Variants in CNTN2 observed in about 807,000 individuals in gnomAD.
CNTN2 encodes contactin-2.
CNTN2 carries 53 observed loss-of-function variants against 117.5 expected under a neutral mutation model. The observed-to-expected ratio is 0.45, with a 90% CI of 0.36 to 0.57. The LOEUF (loss-of-function observed/expected upper bound fraction) is 0.57. Among genes scored for constraint, CNTN2 ranks in the 20% least tolerant of loss-of-function variants. The pLI is 0.00. For synonymous variants in CNTN2, 530 were observed against 561.7 expected (o/e 0.94, Z 0.80); for missense variants, 1,106 against 1,404.3 (o/e 0.79, Z 3.39).
rs376118285 is a variant in CNTN2 at position 205,058,403 on chromosome 1, G to T, written c.391+47G>T. 2 of 1,535,464 alleles carry T rather than the reference G, an allele frequency of 1.3e-6. No homozygotes were observed. The highest frequency in any genetic ancestry group is 3.8e-5 in the Admixed American group (2 of 52,098). ...GACACTTTGGGGGAGGGGGAGAGGGGGCTAGGAGAAATTACTGAGAAAGGA... is the reference window on the plus strand; with the variant it reads ...GACACTTTGGGGGAGGGGGAGAGGGTGCTAGGAGAAATTACTGAGAAAGGA... On this transcript the variant is annotated intron_variant, in intron 4 of 22. Coordinates refer to ENST00000331830, the MANE Select transcript of CNTN2 (RefSeq NM_005076.5). This position sits in a 1 kb window ranked among gnomAD's most constrained non-coding sequence, Gnocchi z 4.3.
In CNTN2 at chr1:205,076,252, G is replaced by T. The variant is rs1216371919; in HGVS notation, c.*2487G>T. The T allele has an allele frequency of 6.6e-6, 1 of 152,176 alleles. No individual in the cohort carries two copies. Among genetic ancestry groups the T allele is most frequent in the Non-Finnish European group, 1.5e-5 (1 of 68,030 alleles). The allele number at this position is 152,176 out of a possible 1,614,324, so 9.4% of individuals were successfully genotyped here. A position where few individuals can be genotyped will look rare whatever the true frequency, so the allele number is the denominator to read the frequency against. On this transcript the variant is annotated 3_prime_UTR_variant, in exon 23 of 23. Coordinates refer to ENST00000331830, the MANE Select transcript of CNTN2 (RefSeq NM_005076.5). ...GGGATAGAACGACAACAAAATAAAT[G>T]TTCCTGCAGCCTGAGATTTCAGGTA...
chr1:205,072,237 G>C, intron 20 of CNTN2, 104 bp downstream of exon 20: 1 of 1,208,004 alleles, frequency 8.3e-7, no homozygotes, highest in Non-Finnish European at 1.2e-6. Context: ...TAGCCCACCA[G>C]CTCTGGGCTG....
chr1:205,073,120 A>G lies in CNTN2; in HGVS notation c.2897A>G (p.Lys966Arg). 6.2e-7 allele frequency: 1 copy of G among 1,614,182 alleles called. No homozygotes were observed. The change falls in exon 22 of 23, where the codon AAG (lysine) becomes AGG (arginine). Residue 966 changes from lysine to arginine, a missense_variant. By Grantham distance (26) the Lys-to-Arg change is conservative. Transcript: ENST00000331830. The surrounding 1 kb of genome is among the most constrained non-coding windows in gnomAD (Gnocchi z 6.3). ...ACTCCCACGCTCCACCTCACCGGCA[A>G]GAACTGGATAGAAATCCCAGTGCCT... ...HLTPTLHLTG[K>R]NWIEIPVPED...
chr1:205,055,106 T>C (rs1208603572), intron 2 of CNTN2, among the ~76,000 whole-genome samples: 1 of 152,032 alleles, frequency 6.6e-6, no homozygotes, highest in East Asian at 1.9e-4. Context: ...CTCTGACTCC[T>C]GGGTTCAAGC....
At position 205,075,084 on chromosome 1, in the gene CNTN2, G is replaced by T; in HGVS notation, c.*1319G>T. 1 of 395,562 alleles carries T rather than the reference G, an allele frequency of 2.5e-6. No individual in the cohort carries two copies. The allele number at this position is 395,562 out of a possible 1,614,324, so 24.5% of individuals were successfully genotyped here. ...TCCAGAGAGGGTCTGGGATTCCCAA[G>T]GTCACACAGCCCAGAAGAGATGGGG... On this transcript the variant is annotated 3_prime_UTR_variant, in exon 23 of 23. Coordinates refer to ENST00000331830, the MANE Select transcript of CNTN2 (RefSeq NM_005076.5).
chr1:205,059,412 TG>T lies in CNTN2; in HGVS notation c.697+121del. On this transcript the variant is annotated intron_variant, in intron 6 of 22. Coordinates refer to ENST00000331830, the MANE Select transcript of CNTN2 (RefSeq NM_005076.5). This position sits in a 1 kb window ranked among gnomAD's most constrained non-coding sequence, Gnocchi z 5.6. ...CTTGCAGGGCACTGATTCCAGGCCC[TG>T]GACCCCCAGATCCTCCTGCTTCAAA... The T allele has an allele frequency of 8.3e-7, 1 of 1,206,164 alleles. No homozygotes were observed. Among genetic ancestry groups the T allele is most frequent in the Non-Finnish European group, 1.2e-6 (1 of 843,912 alleles). 74.7% of individuals were successfully genotyped at this position (1,206,164 alleles called of 1,614,324 possible). A position where few individuals can be genotyped will look rare whatever the true frequency, so the allele number is the denominator to read the frequency against.
chr1:205,049,682 G>A (rs942820881), intron 1 of CNTN2, among the ~76,000 whole-genome samples: 7 of 152,182 alleles, frequency 4.6e-5, no homozygotes, highest in South Asian at 2.1e-4. Context: ...GTGAGCTCCC[G>A]GGCCTGACAG....
rs149058423 is a variant in CNTN2, at chr1:205,072,113, A to G, written c.2711A>G (p.Asn904Ser). 18 of 1,611,432 alleles carry G rather than the reference A, an allele frequency of 1.1e-5. No individual in the cohort carries two copies. The highest frequency in any genetic ancestry group is 5.3e-5 in the African/African-American group (4 of 74,798). Residue 904 changes from asparagine (N) to serine (S), a missense_variant, in exon 20 of 23, where the codon AAC (asparagine) becomes AGC (serine). Transcript: ENST00000331830. ...AGTGPASPSA[N>S]ATTMKPPPRR... is the part of the protein sequence containing the mutation. Reference sequence around the variant, plus strand: ...ACTGGGCCTGCCAGCCCTTCTGCCAACGCCACGACCATGAAGCCCCGTGAG... The same window carrying G: ...ACTGGGCCTGCCAGCCCTTCTGCCAGCGCCACGACCATGAAGCCCCGTGAG...
chr1:205,056,055 G>A (rs1255358464), intron 2 of CNTN2, among the ~76,000 whole-genome samples: 3 of 152,140 alleles, frequency 2.0e-5, no homozygotes, highest in African/African-American at 7.2e-5. Flanking sequence ...TGACATGAGC[G>A]TGCATATAAG....
At chr1:205,045,239 C>T (rs2096439476) in intron 1 of CNTN2, among the ~76,000 whole-genome samples, 2 of 152,156 alleles carry the variant, frequency 1.3e-5, no homozygotes, top group South Asian at 4.1e-4. Flanking sequence ...CTTCTTTCCT[C>T]GCACTCCCTT....
At position 205,075,239 on chromosome 1, in the gene CNTN2, T is replaced by C. The variant is rs773075810; in HGVS notation, c.*1474T>C. ...AGTCAGTAGGGTGTGAAAATTCTAC[T>C]TCAAGGGGTTCGGATTGGTGATCAT... On this transcript the variant is annotated 3_prime_UTR_variant, in exon 23 of 23. Transcript: ENST00000331830. The C allele has an allele frequency of 3.0e-5, 6 of 202,098 alleles. No individual in the cohort carries two copies. Among genetic ancestry groups the C allele is most frequent in the African/African-American group, 6.9e-5 (3 of 43,410 alleles). 12.5% of individuals were successfully genotyped at this position (202,098 alleles called of 1,614,324 possible). A position where few individuals can be genotyped will look rare whatever the true frequency, so the allele number is the denominator to read the frequency against.
At position 205,076,334 on chromosome 1, in the gene CNTN2, A is replaced by G. The variant is rs532848704; in HGVS notation, c.*2569A>G. The G allele has an allele frequency of 2.0e-5, 3 of 152,220 alleles. No individual in the cohort carries two copies. The South Asian group carries it at 6.2e-4, about 32-fold the overall frequency. 9.4% of individuals were successfully genotyped at this position (152,220 alleles called of 1,614,324 possible). A position where few individuals can be genotyped will look rare whatever the true frequency, so the allele number is the denominator to read the frequency against. ...GTGACCTGAGGACATGCAAGCTTGT[A>G]AAATGCAACAGCCTCCTGCTAGAGT... is the stretch of plus-strand genomic sequence containing the variant. On this transcript the variant is annotated 3_prime_UTR_variant, in exon 23 of 23. Transcript: ENST00000331830.
At chr1:205,071,268 T>G (rs959043839) in intron 19 of CNTN2, among the ~76,000 whole-genome samples, 2 of 151,922 alleles carry the variant, frequency 1.3e-5, no homozygotes, top group African/African-American at 2.4e-5. Flanking sequence ...CTGGCCTGAG[T>G]CCTGGGCCCA....
intron 14 of CNTN2, 94 bp downstream of exon 14, chr1:205,066,003 C>G (rs1029104655): frequency 2.8e-6 from 4 of 1,450,358 alleles, no homozygotes; most frequent in African/African-American, 1.4e-5. Flanking sequence ...TCCCTTCCCT[C>G]AAAGCTGCGG....
Position 205,073,812 on chromosome 1 carries a change from G to A in CNTN2, c.*47G>A, listed in dbSNP as rs1337746447. 1.2e-5 allele frequency: 18 copies of A among 1,502,416 alleles called. No individual in the cohort carries two copies. In the East Asian group the frequency reaches 3.0e-4, roughly 25 times the overall value. 93.1% of individuals were successfully genotyped at this position (1,502,416 alleles called of 1,614,324 possible). ...GCCGCAGCTGGACGCCACCTCCGAC[G>A]GACACAGCCAGCCCCTTCCTGCTGC... On this transcript the variant is annotated 3_prime_UTR_variant, in exon 23 of 23. Coordinates refer to ENST00000331830, the MANE Select transcript of CNTN2 (RefSeq NM_005076.5). This position sits in a 1 kb window ranked among gnomAD's most constrained non-coding sequence, Gnocchi z 6.3.
At chr1:205,052,832 C>T (rs2096455177) in intron 1 of CNTN2, among the ~76,000 whole-genome samples, 1 of 152,164 alleles carries the variant, frequency 6.6e-6, no homozygotes, top group Admixed American at 6.5e-5. Context: ...CTTTCACTTC[C>T]TAAGCGGCAC....
chr1:205,070,995 CAAAA>C (rs34606956), intron 19 of CNTN2: 2 of 98,844 alleles, frequency 2.0e-5, no homozygotes, highest in Non-Finnish European at 2.0e-5. Context: ...GACTCCATCT[CAAAA>C]AAAAAAAAAA....
chr1:205,043,030 G>GA (rs1222572268), upstream of CNTN2: 1 of 130,034 alleles, frequency 7.7e-6, no homozygotes, highest in Non-Finnish European at 1.6e-5. Context: ...GTCCTTAAAT[G>GA]ACAGCAAATG....
Position 205,059,653 on chromosome 1 carries a change from G to T in CNTN2, c.768G>T (p.Gln256His). ...PAETYALVGQQVTLECFAFGN... is the reference protein window; with the variant it reads ...PAETYALVGQHVTLECFAFGN... The stretch of plus-strand genomic sequence containing the variant: ...AGACCTATGCACTGGTGGGGCAGCA[G>T]GTCACCCTGGAGTGCTTCGCCTTTG... The change falls in exon 7 of 23, where the codon CAG becomes CAT. Residue 256 changes from glutamine to histidine, a missense_variant. Gln to His is a conservative substitution (Grantham distance 24). Coordinates refer to ENST00000331830, the MANE Select transcript of CNTN2 (RefSeq NM_005076.5). This position sits in a 1 kb window ranked among gnomAD's most constrained non-coding sequence, Gnocchi z 5.6. 1 of 1,614,130 alleles carries T rather than the reference G, an allele frequency of 6.2e-7. No homozygotes were observed. The highest frequency in any genetic ancestry group is 1.3e-5 in the African/African-American group (1 of 75,026).
Sources: allele counts gnomAD v4.1 joint callset (sites outside exome capture counted in the v4.1 genomes callset), GRCh38; gene constraint gnomAD v4.1.1; non-coding constraint Gnocchi (gnomAD v3.1); transcripts MANE v1.5; gene names NCBI Gene and HGNC (gene_info 2026-07-23, HGNC 2026-07-21).